GPC6: variants seen among roughly 807,000 people sequenced by gnomAD.
The protein encoded by GPC6 is glypican-6.
Under a neutral mutation model 55.2 loss-of-function variants are expected in GPC6, and 14 were observed. The observed-to-expected ratio is 0.25, with a 90% CI of 0.17 to 0.40. GPC6 has a LOEUF of 0.40. GPC6 is among the 10% of genes least tolerant of loss of function. The pLI, the probability that GPC6 is intolerant of heterozygous loss-of-function variation, is 1.00. For missense variants in GPC6, 641 were observed against 708.5 expected (o/e 0.90, Z 1.08); for synonymous variants, 278 against 259.6 (o/e 1.07, Z -0.68).
chr13:94,271,366 A>ACGCGCGCGCG (rs35593846), intron 4 of GPC6, among the ~76,000 whole-genome samples: 18 of 131,218 alleles, frequency 1.4e-4, no homozygotes, highest in Non-Finnish European at 2.4e-4. Context: ...ACACACACAC[A>ACGCGCGCGCG]CGCGCGCGCG....
intron 4 of GPC6, among the ~76,000 whole-genome samples, chr13:94,204,337 C>A (rs1404097723): frequency 1.3e-5 from 2 of 152,094 alleles, no homozygotes; most frequent in Non-Finnish European, 2.9e-5. Context: ...ATGTGCATTC[C>A]ACACAATGGG....
At chr13:93,642,926 T>C (rs2139588588) in intron 2 of GPC6, among the ~76,000 whole-genome samples, 1 of 152,238 alleles carries the variant, frequency 6.6e-6, no homozygotes, top group Admixed American at 6.6e-5. Context: ...GGAAAATATT[T>C]ACTTGCCAAG....
chr13:93,859,008 G>T (rs779507732), intron 3 of GPC6, among the ~76,000 whole-genome samples: 1 of 151,424 alleles, frequency 6.6e-6, no homozygotes, highest in Non-Finnish European at 1.5e-5. Flanking sequence ...GGGAGTCAAC[G>T]CAGAGAAAAA....
At chr13:93,861,686 T>G (rs1215759140) in intron 3 of GPC6, among the ~76,000 whole-genome samples, 1 of 151,644 alleles carries the variant, frequency 6.6e-6, no homozygotes. Context: ...TCATGTTGTC[T>G]CTTTAATTTC....
At chr13:93,242,619 G>A (rs903509909) in intron 1 of GPC6, among the ~76,000 whole-genome samples, 5 of 152,100 alleles carry the variant, frequency 3.3e-5, no homozygotes, top group African/African-American at 1.2e-4. Flanking sequence ...GGGGCTGCTC[G>A]ACCGCTGGGG....
At chr13:93,311,498 T>C (rs1879066378) in intron 1 of GPC6, among the ~76,000 whole-genome samples, 1 of 152,126 alleles carries the variant, frequency 6.6e-6, no homozygotes, top group Non-Finnish European at 1.5e-5. Flanking sequence ...CACCACCCCT[T>C]ATTTATTTCC....
At chr13:93,909,464 A>G (rs1330464) in intron 3 of GPC6, among the ~76,000 whole-genome samples, 28,609 of 152,144 alleles carry the variant, frequency 0.19, 3,088 homozygotes, top group Non-Finnish European at 0.24. Flanking sequence ...ACAAATGGTA[A>G]CTATCAAAAA....
At chr13:93,650,806 C>T (rs961088961) in intron 2 of GPC6, among the ~76,000 whole-genome samples, 1 of 152,184 alleles carries the variant, frequency 6.6e-6, no homozygotes, top group African/African-American at 2.4e-5. Flanking sequence ...AAAAGATGCA[C>T]AAGTGCACCT....
intron 3 of GPC6, among the ~76,000 whole-genome samples, chr13:93,917,911 A>G (rs1877372162): frequency 1.3e-5 from 2 of 152,158 alleles, no homozygotes; most frequent in Non-Finnish European, 1.5e-5. Context: ...AGCCTGGCCA[A>G]TACGGTGAAA....
intron 2 of GPC6, among the ~76,000 whole-genome samples, chr13:93,688,182 ATGTATAAGATAGAGTG>A (rs1882119083): frequency 6.6e-6 from 1 of 152,072 alleles, no homozygotes; most frequent in Non-Finnish European, 1.5e-5. Flanking sequence ...AGGAGAGAGG[ATGTATAAGATAGAGTG>A]TGGGGTGGCA....
chr13:94,241,104 C>A (rs778326069), intron 4 of GPC6, among the ~76,000 whole-genome samples: 3 of 152,128 alleles, frequency 2.0e-5, no homozygotes, highest in Non-Finnish European at 4.4e-5. Flanking sequence ...CCCAGGATGG[C>A]ACTGGTGTCC....
intron 2 of GPC6, among the ~76,000 whole-genome samples, chr13:93,790,704 C>G (rs1319676872): frequency 1.3e-5 from 2 of 152,128 alleles, no homozygotes; most frequent in African/African-American, 4.8e-5. Context: ...AAGTAAGACA[C>G]AGTCCTAAAA....
intron 4 of GPC6, among the ~76,000 whole-genome samples, chr13:94,030,800 G>A (rs115162540): frequency 1.3e-5 from 2 of 152,084 alleles, no homozygotes; most frequent in African/African-American, 4.8e-5. Flanking sequence ...GTGAACAGTG[G>A]TATGCAATCG....
At chr13:94,353,662 GGAATA>G (rs1366091788) in intron 6 of GPC6, among the ~76,000 whole-genome samples, 2 of 151,988 alleles carry the variant, frequency 1.3e-5, no homozygotes, top group Non-Finnish European at 2.9e-5. Flanking sequence ...CCTTCAAATT[GGAATA>G]GTGATCACAC....
intron 2 of GPC6, among the ~76,000 whole-genome samples, chr13:93,689,699 C>T (rs1882183087): frequency 6.6e-6 from 1 of 152,144 alleles, no homozygotes; most frequent in African/African-American, 2.4e-5. Context: ...CTATTCCCTC[C>T]ATATTTAAAT....
intron 4 of GPC6, among the ~76,000 whole-genome samples, chr13:94,259,576 G>A (rs1891599408): frequency 6.6e-6 from 1 of 152,016 alleles, no homozygotes; most frequent in African/African-American, 2.4e-5. Context: ...TCACTATGTT[G>A]TGTAAACCAC....
At chr13:93,429,107 A>C (rs1466804662) in intron 1 of GPC6, among the ~76,000 whole-genome samples, 1 of 152,136 alleles carries the variant, frequency 6.6e-6, no homozygotes, top group Non-Finnish European at 1.5e-5. Flanking sequence ...CATTATACAG[A>C]TAAAAGAGGG....
intron 3 of GPC6, among the ~76,000 whole-genome samples, chr13:94,014,361 C>T (rs1350526470): frequency 6.6e-6 from 1 of 152,094 alleles, no homozygotes; most frequent in Non-Finnish European, 1.5e-5. Flanking sequence ...TTATTTAGAT[C>T]GTTTCTTTTT....
rs142481851 is a variant in GPC6 at position 93,994,782 on chromosome 13, A to G, written c.712-32947A>G. Among the ~76,000 whole-genome samples, 380 of 152,298 alleles carry G rather than the reference A, an allele frequency of 2.5e-3. 1 individual carries two copies. Among genetic ancestry groups the G allele is most frequent in the African/African-American group, 8.8e-3 (364 of 41,566 alleles). On this transcript the variant is annotated intron_variant, in intron 3 of 8. Coordinates refer to ENST00000377047, the MANE Select transcript of GPC6 (RefSeq NM_005708.5). ...TGTGCTACACGTTCATAGTTTTGGT[A>G]CAATATCCAGTACGATTTTTAAATG... is the stretch of plus-strand genomic sequence containing the variant.
Sources: allele counts gnomAD v4.1 joint callset (sites outside exome capture counted in the v4.1 genomes callset), GRCh38; gene constraint gnomAD v4.1.1; transcripts MANE v1.5; gene names NCBI Gene and HGNC (gene_info 2026-07-23, HGNC 2026-07-21).